The following C1orf167 variants were observed in gnomAD, a reference collection of about 807,000 sequenced individuals.
The protein encoded by C1orf167 is uncharacterized protein C1orf167.
In C1orf167, 153 loss-of-function variants were observed where a neutral mutation model predicts 176.5. The ratio of observed to expected loss-of-function variants is 0.87; its 90% confidence interval spans 0.76 to 0.99. The LOEUF (loss-of-function observed/expected upper bound fraction) is 0.99. Among genes scored for constraint, C1orf167 ranks in the 50% least tolerant of loss-of-function variants. The probability of loss-of-function intolerance (pLI) is 0.00; values close to 1 mark genes in which losing one functional copy is unlikely to be tolerated. For missense variants in C1orf167, 1,490 were observed against 1,817.7 expected (o/e 0.82, Z 3.28); for synonymous variants, 594 against 752.7 (o/e 0.79, Z 3.45).
At chr1:11,789,191 A>C (rs903875351) in intron 20 of C1orf167, 79 bp from the exon 21 acceptor site, 1 of 1,242,446 alleles carries the variant, frequency 8.0e-7, no homozygotes, top group African/African-American at 1.6e-5. Context: ...AGCTGGGTAC[A>C]GGGGTTGCTC....
At position 11,765,945 on chromosome 1, in the gene C1orf167, G is replaced by T. The variant is rs1642771022; in HGVS notation, c.159G>T (p.Gly53=). Reference sequence around the variant, plus strand: ...CCGGGTGCCAGGTGGAGAGGGGAGGGCCTGCTGCCACACCCTCCCCAGGGG... The same window carrying T: ...CCGGGTGCCAGGTGGAGAGGGGAGGTCCTGCTGCCACACCCTCCCCAGGGG... ...WVPGCQVERG[G]PAATPSPGAV... The change falls in exon 3 of 21, where the codon GGG becomes GGT. Residue 53 remains glycine, a synonymous_variant. Coordinates refer to ENST00000688073, the MANE Select transcript of C1orf167 (RefSeq NM_001010881.2). 6 of 1,263,468 alleles carry T rather than the reference G, an allele frequency of 4.7e-6. No individual in the cohort carries two copies. The highest frequency in any genetic ancestry group is 6.2e-6 in the Non-Finnish European group (6 of 973,760). The allele number at this position is 1,263,468 out of a possible 1,614,324, so 78.3% of individuals were successfully genotyped here. A position where few individuals can be genotyped will look rare whatever the true frequency, so the allele number is the denominator to read the frequency against.
chr1:11,767,113 G>A (rs754286167), intron 3 of C1orf167, 28 bp downstream of exon 3: 1 of 1,261,180 alleles, frequency 7.9e-7, no homozygotes, highest in Non-Finnish European at 1.0e-6. Context: ...CTGGAGGTGG[G>A]GTAGGGGGTA....
Position 11,766,235 on chromosome 1 carries a change from G to T in C1orf167, c.449G>T (p.Trp150Leu), listed in dbSNP as rs1642786846. The change falls in exon 3 of 21, where the codon TGG becomes TTG. Residue 150 changes from tryptophan to leucine, a missense_variant. By Grantham distance (61) the Trp-to-Leu change is moderately conservative (BLOSUM62 -2). Transcript: ENST00000688073. The surrounding 1 kb of genome is among the most constrained non-coding windows in gnomAD (Gnocchi z 4.5). ...AGCTCTGGGCCCCACAAGCTTCCCTGGGGTCCTCTCCTATCCCAAGAGCCA... is the reference window on the plus strand; with the variant it reads ...AGCTCTGGGCCCCACAAGCTTCCCTTGGGTCCTCTCCTATCCCAAGAGCCA... ...GGSSGPHKLP[W>L]GPLLSQEPLA... 1 of 1,289,672 alleles carries T rather than the reference G, an allele frequency of 7.8e-7. No homozygotes were observed. Among genetic ancestry groups the T allele is most frequent in the Non-Finnish European group, 1.0e-6 (1 of 988,862 alleles). The allele number at this position is 1,289,672 out of a possible 1,614,324, so 79.9% of individuals were successfully genotyped here.
At position 11,788,856 on chromosome 1, in the gene C1orf167, G is replaced by A. The variant is rs188149872; in HGVS notation, c.4173+110G>A. The A allele has an allele frequency of 2.1e-5, 21 of 1,011,474 alleles. No individual in the cohort carries two copies. The East Asian group carries it at 4.9e-4, about 24-fold the overall frequency. The allele number at this position is 1,011,474 out of a possible 1,614,324, so 62.7% of individuals were successfully genotyped here. A position where few individuals can be genotyped will look rare whatever the true frequency, so the allele number is the denominator to read the frequency against. On this transcript the variant is annotated intron_variant, in intron 20 of 20. Transcript: ENST00000688073. ...GGAGCTTTCCCTGCTTGCCAGCCCCGGGGCCCCTTCGTTTTCAGGGGAGGG... is the reference window on the plus strand; with the variant it reads ...GGAGCTTTCCCTGCTTGCCAGCCCCAGGGCCCCTTCGTTTTCAGGGGAGGG...
intron 2 of C1orf167, among the ~76,000 whole-genome samples, chr1:11,765,189 G>A (rs1017850979): frequency 3.3e-5 from 5 of 152,050 alleles, no homozygotes; most frequent in Admixed American, 2.0e-4. Context: ...CATGAGGCAA[G>A]TTGCTTGACC....
chr1:11,784,726 CAG>C, intron 15 of C1orf167, 133 bp downstream of exon 15: 1 of 1,019,174 alleles, frequency 9.8e-7, no homozygotes, highest in Non-Finnish European at 1.3e-6. Flanking sequence ...TTGGGGGTGA[CAG>C]GGAGAGGCCG....
At chr1:11,785,467 G>A (rs2151654) in intron 16 of C1orf167, among the ~76,000 whole-genome samples, 178 bp downstream of exon 16, 15,629 of 152,192 alleles carry the variant, frequency 0.1, 855 homozygotes, top group South Asian at 0.19. Context: ...AGCCGGTGGT[G>A]GCAGCATGGC....
Position 11,779,445 on chromosome 1 carries a change from G to A in C1orf167, c.2652-357G>A, listed in dbSNP as rs1643487741. The stretch of plus-strand genomic sequence containing the variant: ...CCTATTTGCCTATCTGTAAAATGGG[G>A]TTAATAGTACTGGCTCCAGTGGGGC... On this transcript the variant is annotated intron_variant, in intron 12 of 20. Coordinates refer to ENST00000688073, the MANE Select transcript of C1orf167 (RefSeq NM_001010881.2). The A allele has an allele frequency of 4.9e-5, 11 of 225,786 alleles. No homozygotes were observed. The South Asian group carries it at 6.9e-4, about 14-fold the overall frequency. The allele number at this position is 225,786 out of a possible 1,614,324, so 14.0% of individuals were successfully genotyped here.
At chr1:11,784,104 C>T in intron 14 of C1orf167, 70 bp from the exon 15 acceptor site, 1 of 1,192,702 alleles carries the variant, frequency 8.4e-7, no homozygotes, top group African/African-American at 1.6e-5. Flanking sequence ...ATCCACTCAC[C>T]TTGGCTTCCC....
In C1orf167 at chr1:11,788,713, G is replaced by C. The variant is rs551486571; in HGVS notation, c.4140G>C (p.Ala1380=). The part of the protein sequence containing the change: ...ADVVAADPAT[A]SGSAVTAAGR... ...TGGTGGCAGCGGATCCTGCGACTGCGAGTGGCTCAGCAGTTACAGCAGCAG... is the reference window on the plus strand; with the variant it reads ...TGGTGGCAGCGGATCCTGCGACTGCCAGTGGCTCAGCAGTTACAGCAGCAG... The change falls in exon 20 of 21, where the codon GCG becomes GCC. Residue 1380 remains alanine, a synonymous_variant. Transcript: ENST00000688073. 3.3e-5 allele frequency: 43 copies of C among 1,304,240 alleles called. 5 individuals carry two copies. Among genetic ancestry groups the C allele is most frequent in the Admixed American group, 1.8e-4 (8 of 43,568 alleles). 80.8% of individuals were successfully genotyped at this position (1,304,240 alleles called of 1,614,324 possible).
At chr1:11,781,782 C>T (rs1042108793) in intron 13 of C1orf167, among the ~76,000 whole-genome samples, 2 of 151,934 alleles carry the variant, frequency 1.3e-5, no homozygotes, top group East Asian at 1.9e-4. Flanking sequence ...TGGTAGTGTG[C>T]GCCTGTAGTC....
In C1orf167 at chr1:11,764,423, G is replaced by GCCA. The variant is rs1218011710; in HGVS notation, c.25_27dup (p.His9dup). ...CCCATGGAGCTAAGGTCTGATGCCAGCCACAAGGAGAATGTGTCCCCAAAG... is the reference window on the plus strand; with the variant it reads ...CCCATGGAGCTAAGGTCTGATGCCAGCCACCACAAGGAGAATGTGTCCCCAAAG... On this transcript the variant is annotated inframe_insertion, in exon 2 of 21. Coordinates refer to ENST00000688073, the MANE Select transcript of C1orf167 (RefSeq NM_001010881.2). 1 of 1,289,424 alleles carries GCCA rather than the reference G, an allele frequency of 7.8e-7. No homozygotes were observed. 79.9% of individuals were successfully genotyped at this position (1,289,424 alleles called of 1,614,324 possible).
chr1:11,780,635 C>T (rs1643550871), intron 13 of C1orf167, among the ~76,000 whole-genome samples: 1 of 152,226 alleles, frequency 6.6e-6, no homozygotes. Flanking sequence ...TATGTCATCA[C>T]CTTTATCTTC....
chr1:11,775,239 A>G (rs1044777311), intron 8 of C1orf167, among the ~76,000 whole-genome samples, 196 bp from the exon 9 acceptor site: 1 of 152,182 alleles, frequency 6.6e-6, no homozygotes, highest in Non-Finnish European at 1.5e-5. Flanking sequence ...CAGTGACCAG[A>G]GATCGCACCA....
chr1:11,770,241 G>T (rs1464742665), intron 6 of C1orf167, among the ~76,000 whole-genome samples: 2 of 150,710 alleles, frequency 1.3e-5, no homozygotes, highest in Non-Finnish European at 2.9e-5. Flanking sequence ...CATAGAAAAA[G>T]GACCAGAAAG....
chr1:11,769,449 T>A (rs901149664), intron 6 of C1orf167, among the ~76,000 whole-genome samples: 11 of 151,910 alleles, frequency 7.2e-5, no homozygotes, highest in African/African-American at 2.7e-4. Flanking sequence ...ATGCTTGTAG[T>A]CCCAGCTACT....
intron 4 of C1orf167, among the ~76,000 whole-genome samples, chr1:11,767,532 G>A (rs965846224): frequency 6.6e-6 from 1 of 152,066 alleles, no homozygotes; most frequent in Non-Finnish European, 1.5e-5. Context: ...GGCAAACAGG[G>A]CAATCTCTGG....
chr1:11,786,535 A>G (rs1643874047), intron 16 of C1orf167: 1 of 152,064 alleles, frequency 6.6e-6, no homozygotes. Flanking sequence ...TCCAGGGCTC[A>G]AACGATCCTC....
chr1:11,783,837 C>T (rs907132609), intron 14 of C1orf167, among the ~76,000 whole-genome samples: 35 of 151,754 alleles, frequency 2.3e-4, no homozygotes, highest in African/African-American at 7.3e-4. Flanking sequence ...CAAGCCCTCC[C>T]ATGCATCTGT....
Sources: gnomAD v4.1 joint callset for allele counts (sites outside exome capture counted in the v4.1 genomes callset) on GRCh38, gnomAD v4.1.1 for gene constraint, Gnocchi (gnomAD v3.1) non-coding constraint, MANE v1.5 for transcripts, NCBI Gene and HGNC (gene_info 2026-07-23, HGNC 2026-07-21) for gene names.